Variants in IRF2 observed in about 807,000 individuals in gnomAD.
IRF2 encodes the protein interferon regulatory factor 2.
IRF2 carries 15 observed loss-of-function variants against 40.6 expected under a neutral mutation model. The observed-to-expected ratio is 0.37, with a 90% CI of 0.25 to 0.57. The LOEUF (loss-of-function observed/expected upper bound fraction) is 0.57. Ranked by LOEUF, IRF2 falls within the 20% of genes least tolerant of loss-of-function variation. The pLI is 0.77. For missense variants in IRF2, 317 were observed against 455.7 expected, an observed-to-expected ratio of 0.70 and a Z score of 2.77; for synonymous variants, 151 against 165.5, an observed-to-expected ratio of 0.91 and a Z score of 0.67.
intron 1 of IRF2, among the ~76,000 whole-genome samples, chr4:184,443,159 C>A (rs1256485571): frequency 6.6e-6 from 1 of 152,172 alleles, no homozygotes; most frequent in Non-Finnish European, 1.5e-5. Context: ...CTCCTGACCT[C>A]AGCTGATCCA....
At chr4:184,447,762 G>A (rs574200106) in intron 1 of IRF2, among the ~76,000 whole-genome samples, 4 of 152,334 alleles carry the variant, frequency 2.6e-5, no homozygotes, top group South Asian at 2.1e-4. Flanking sequence ...AAGCCCAAAC[G>A]GATACACATT....
At chr4:184,396,105 T>G (rs1450260209) in intron 7 of IRF2, among the ~76,000 whole-genome samples, 1 of 152,224 alleles carries the variant, frequency 6.6e-6, no homozygotes. Context: ...TAGAAGAAAG[T>G]CATGGGTTTT....
chr4:184,456,152 C>T (rs574815560), intron 1 of IRF2, among the ~76,000 whole-genome samples: 23 of 152,184 alleles, frequency 1.5e-4, no homozygotes, highest in Non-Finnish European at 3.2e-4. Flanking sequence ...GTTCGAGTTC[C>T]CTCTCTGCAT....
At chr4:184,428,706 G>T (rs1213223107) in intron 2 of IRF2, 1 of 511,524 alleles carries the variant, frequency 2.0e-6, no homozygotes. Flanking sequence ...GGCTGAGGTG[G>T]GAGGATCACT....
chr4:184,403,274 C>T (rs1736732926), intron 6 of IRF2, among the ~76,000 whole-genome samples: 1 of 152,022 alleles, frequency 6.6e-6, no homozygotes, highest in African/African-American at 2.4e-5. Flanking sequence ...ATCTGTTTCT[C>T]TCTCTCTCTC....
chr4:184,435,569 G>C (rs746985670), intron 1 of IRF2, among the ~76,000 whole-genome samples: 14 of 152,234 alleles, frequency 9.2e-5, no homozygotes, highest in Admixed American at 1.3e-4. Context: ...TAAAAATTAG[G>C]GGGGCAAGAT....
intron 7 of IRF2, among the ~76,000 whole-genome samples, chr4:184,396,429 T>A (rs553316754): frequency 1.1e-3 from 144 of 136,576 alleles, no homozygotes; most frequent in African/African-American, 3.7e-3. Context: ...TATATATATT[T>A]TTTTTTCTTT....
chr4:184,399,960 T>C (rs1001899216), intron 6 of IRF2, among the ~76,000 whole-genome samples: 1 of 152,250 alleles, frequency 6.6e-6, no homozygotes, highest in Non-Finnish European at 1.5e-5. Context: ...CCAATGGTTA[T>C]AGGCTACAAA....
intron 6 of IRF2, among the ~76,000 whole-genome samples, chr4:184,406,054 T>C (rs1050429301): frequency 1.3e-5 from 2 of 152,080 alleles, no homozygotes; most frequent in Non-Finnish European, 2.9e-5. Flanking sequence ...TGGAGTTTCA[T>C]CTTGCTAAGA....
chr4:184,441,464 G>A (rs954943977), intron 1 of IRF2, among the ~76,000 whole-genome samples: 5 of 152,192 alleles, frequency 3.3e-5, no homozygotes, highest in African/African-American at 1.2e-4. Flanking sequence ...CCCCTGTAAT[G>A]TTCCTGCTAC....
intron 1 of IRF2, among the ~76,000 whole-genome samples, chr4:184,460,721 G>A (rs564350852): frequency 2.0e-4 from 31 of 151,472 alleles, no homozygotes; most frequent in Admixed American, 1.3e-3. Flanking sequence ...ACACACACGC[G>A]AAGAGAGAAA....
At chr4:184,409,864 TC>T (rs1332865331) in intron 5 of IRF2, among the ~76,000 whole-genome samples, 1 of 150,222 alleles carries the variant, frequency 6.7e-6, no homozygotes, top group African/African-American at 2.5e-5. Context: ...GTCACTGCAC[TC>T]CAGCCTGGGT....
chr4:184,440,924 G>A (rs1738281425), intron 1 of IRF2, among the ~76,000 whole-genome samples: 1 of 152,174 alleles, frequency 6.6e-6, no homozygotes, highest in Non-Finnish European at 1.5e-5. Context: ...CCCAAAAAGA[G>A]GTGATGGCTG....
chr4:184,392,015 AT>A (rs1279951407), intron 7 of IRF2, among the ~76,000 whole-genome samples: 2 of 152,144 alleles, frequency 1.3e-5, no homozygotes, highest in Admixed American at 1.3e-4. Context: ...AACAGGCTGG[AT>A]TAATGGAATC....
In IRF2 at chr4:184,388,791, C is replaced by A. The variant is rs201500222; in HGVS notation, c.1017G>T (p.Ser339=). The A allele has an allele frequency of 1.9e-6, 3 of 1,613,208 alleles. No individual in the cohort carries two copies. The highest frequency in any genetic ancestry group is 2.5e-6 in the Non-Finnish European group (3 of 1,179,998). The change falls in exon 9 of 9, where the codon TCG becomes TCT. Residue 339 remains serine (S), a synonymous_variant. Transcript: ENST00000393593. This position sits in a 1 kb window ranked among gnomAD's most constrained non-coding sequence, Gnocchi z 4.6. ...TCTTGACGCGGGCCTGGGTGATATC[C>A]GATGTTTTCTTGATGACGCTGGCCC... ...ETRASVIKKT[S]DITQARVKSC
intron 1 of IRF2, among the ~76,000 whole-genome samples, chr4:184,454,052 A>C (rs1312684014): frequency 6.6e-6 from 1 of 152,218 alleles, no homozygotes; most frequent in African/African-American, 2.4e-5. Context: ...CTTGAAAACC[A>C]ACGCCTTCCC....
intron 1 of IRF2, among the ~76,000 whole-genome samples, chr4:184,440,310 C>T (rs793795): frequency 0.14 from 21,362 of 152,264 alleles, 1,639 homozygotes; most frequent in Middle Eastern, 0.29. Context: ...GTCCCTGTCC[C>T]GGCCACCCTC....
chr4:184,469,388 G>A (rs923034701), intron 1 of IRF2, among the ~76,000 whole-genome samples: 1 of 152,236 alleles, frequency 6.6e-6, no homozygotes, highest in Non-Finnish European at 1.5e-5. Context: ...ATAAAAATGG[G>A]CACTAGGGCC....
At chr4:184,457,343 G>A (rs985265170) in intron 1 of IRF2, among the ~76,000 whole-genome samples, 2 of 152,198 alleles carry the variant, frequency 1.3e-5, no homozygotes, top group Admixed American at 6.5e-5. Flanking sequence ...TGTTCGCCCA[G>A]CCCTTCTGTG....
Sources: allele counts gnomAD v4.1 joint callset (sites outside exome capture counted in the v4.1 genomes callset), GRCh38; gene constraint gnomAD v4.1.1; non-coding constraint Gnocchi (gnomAD v3.1); transcripts MANE v1.5; gene names NCBI Gene and HGNC (gene_info 2026-07-23, HGNC 2026-07-21).